The following RP1 variants were observed in gnomAD, a reference collection of about 807,000 sequenced individuals.
RP1 encodes the protein RP1 axonemal microtubule associated.
RP1 carries 16 observed loss-of-function variants against 14.8 expected under a neutral mutation model. The ratio of observed to expected loss-of-function variants is 1.08; its 90% CI spans 0.73 to 1.65. RP1 has a LOEUF of 1.65. RP1 is among the 40% of genes most tolerant of loss of function. The pLI, the probability that RP1 is intolerant of heterozygous loss-of-function variation, is 0.00. For missense variants in RP1, 2,631 were observed against 2,535.0 expected (o/e 1.04, Z -0.81); for synonymous variants, 876 against 883.6 (o/e 0.99, Z 0.15).
chr8:54,797,103 T>G (rs556279820), intron 24 of RP1, among the ~76,000 whole-genome samples: 1 of 152,158 alleles, frequency 6.6e-6, no homozygotes, highest in Admixed American at 6.5e-5. Flanking sequence ...ATAGAAAAAT[T>G]ATCCATTTTT....
At chr8:54,755,700 G>A in exon 21 of RP1, 1 of 1,535,812 alleles carries the variant, frequency 6.5e-7, no homozygotes, top group Non-Finnish European at 8.7e-7. Flanking sequence ...TGTCTCTTTG[G>A]GGAGAGGGGA....
At chr8:54,825,562 C>A (rs1486104453) in intron 24 of RP1, among the ~76,000 whole-genome samples, 11 of 152,142 alleles carry the variant, frequency 7.2e-5, no homozygotes, top group African/African-American at 1.9e-4. Context: ...TTGCAAACTA[C>A]GTATATGACA....
At chr8:54,806,643 T>C (rs1234272754) in intron 24 of RP1, among the ~76,000 whole-genome samples, 1 of 152,196 alleles carries the variant, frequency 6.6e-6, no homozygotes, top group Non-Finnish European at 1.5e-5. Context: ...ACTTAGATAA[T>C]CAGGCGTACA....
At chr8:54,674,301 C>G (rs1807245721) in intron 8 of RP1, among the ~76,000 whole-genome samples, 1 of 152,104 alleles carries the variant, frequency 6.6e-6, no homozygotes, top group South Asian at 2.1e-4. Flanking sequence ...TACTGATTGT[C>G]CAACAGCGGC....
chr8:54,618,916 C>T (rs1390771560), intron 1 of RP1, among the ~76,000 whole-genome samples: 2 of 152,220 alleles, frequency 1.3e-5, no homozygotes, highest in Non-Finnish European at 2.9e-5. Flanking sequence ...CCGCCTTGGC[C>T]TCCCAAAGTG....
chr8:54,768,723 C>A (rs1475511856), intron 22 of RP1, among the ~76,000 whole-genome samples: 1 of 152,080 alleles, frequency 6.6e-6, no homozygotes, highest in Middle Eastern at 3.2e-3. Context: ...ATCACAAAGC[C>A]AGTAAATGGC....
chr8:54,755,511 G>GT (rs1452903858), intron 20 of RP1: 2 of 1,046,096 alleles, frequency 1.9e-6, no homozygotes, highest in Non-Finnish European at 2.7e-6. Context: ...TCTCATATAT[G>GT]TTTTTCTTTT....
intron 19 of RP1, among the ~76,000 whole-genome samples, chr8:54,743,803 C>A (rs1185944651): frequency 6.6e-6 from 1 of 152,130 alleles, no homozygotes; most frequent in East Asian, 1.9e-4. Flanking sequence ...TTTACGTGAG[C>A]AATTCAAAGA....
chr8:54,861,661 G>A (rs1812345869), intron 27 of RP1, among the ~76,000 whole-genome samples: 1 of 151,940 alleles, frequency 6.6e-6, no homozygotes, highest in Admixed American at 6.6e-5. Flanking sequence ...GGAGTACAGT[G>A]GTGTGATCTT....
intron 24 of RP1, among the ~76,000 whole-genome samples, chr8:54,818,069 T>A (rs576332463): frequency 1.3e-5 from 2 of 152,264 alleles, no homozygotes; most frequent in African/African-American, 4.8e-5. Context: ...AGCCCCAAAA[T>A]CTTCAACGCT....
intron 12 of RP1, among the ~76,000 whole-genome samples, chr8:54,693,299 G>A (rs950059297): frequency 2.3e-4 from 35 of 151,980 alleles, no homozygotes; most frequent in Admixed American, 1.8e-3. Flanking sequence ...TTGGTGATGC[G>A]GGCTCTTTTT....
chr8:54,706,822 GAT>G (rs1233043518), intron 15 of RP1, among the ~76,000 whole-genome samples: 2 of 152,256 alleles, frequency 1.3e-5, no homozygotes, highest in East Asian at 3.9e-4. Context: ...TGCCTGGTAT[GAT>G]AAGAGAGGAA....
chr8:54,825,018 A>G (rs1405037812), intron 24 of RP1, among the ~76,000 whole-genome samples: 1 of 151,602 alleles, frequency 6.6e-6, no homozygotes, highest in Admixed American at 6.6e-5. Context: ...CAGGCTAGAT[A>G]GAGTGCAGTG....
chr8:54,781,785 G>A (rs1281300117), intron 23 of RP1, among the ~76,000 whole-genome samples: 1 of 152,072 alleles, frequency 6.6e-6, no homozygotes, highest in Non-Finnish European at 1.5e-5. Context: ...AGGAAAACTT[G>A]AAAGTGAATA....
At chr8:54,756,957 G>C (rs1809521597) in intron 21 of RP1, among the ~76,000 whole-genome samples, 1 of 152,180 alleles carries the variant, frequency 6.6e-6, no homozygotes, top group African/African-American at 2.4e-5. Flanking sequence ...AATTGGGTAG[G>C]AGATATAGTT....
chr8:54,831,130 A>C (rs1811512766), intron 24 of RP1, among the ~76,000 whole-genome samples: 1 of 152,032 alleles, frequency 6.6e-6, no homozygotes, highest in Admixed American at 6.6e-5. Context: ...GTTTGTATTC[A>C]CATTTTGGCT....
chr8:54,704,243 C>G (rs919066624), intron 14 of RP1, among the ~76,000 whole-genome samples: 1 of 152,144 alleles, frequency 6.6e-6, no homozygotes, highest in Non-Finnish European at 1.5e-5. Flanking sequence ...AGATATGTGA[C>G]TCTTCCTTTC....
At chr8:54,682,887 G>A (rs1807469959) in intron 12 of RP1, among the ~76,000 whole-genome samples, 1 of 152,088 alleles carries the variant, frequency 6.6e-6, no homozygotes, top group African/African-American at 2.4e-5. Context: ...CCTGTGTCCT[G>A]AATAGTATTG....
At chr8:54,827,386 G>A (rs1324868707) in intron 24 of RP1, among the ~76,000 whole-genome samples, 1 of 151,222 alleles carries the variant, frequency 6.6e-6, no homozygotes, top group Non-Finnish European at 1.5e-5. Flanking sequence ...GAGTGCAGTG[G>A]TACAATCGTG....
Sources: gnomAD v4.1 joint callset for allele counts (sites outside exome capture counted in the v4.1 genomes callset) on GRCh38, gnomAD v4.1.1 for gene constraint, MANE v1.5 for transcripts, NCBI Gene and HGNC (gene_info 2026-07-23, HGNC 2026-07-21) for gene names.